ROCK2: variants seen among roughly 807,000 people sequenced by gnomAD.
The protein encoded by ROCK2 is rho-associated protein kinase 2.
Under a neutral mutation model 195.1 loss-of-function variants are expected in ROCK2, and 61 were observed. The observed-to-expected ratio is 0.31, with a 90% CI of 0.25 to 0.39. The LOEUF (loss-of-function observed/expected upper bound fraction) is 0.39. Among genes scored for constraint, ROCK2 ranks in the 10% least tolerant of loss-of-function variants. The probability of loss-of-function intolerance (pLI) is 1.00; values close to 1 mark genes in which losing one functional copy is unlikely to be tolerated. For synonymous variants in ROCK2, 504 were observed against 545.5 expected, an observed-to-expected ratio of 0.92 and a Z score of 1.06; for missense variants, 1,109 against 1,637.4, an observed-to-expected ratio of 0.68 and a Z score of 5.57.
chr2:11,248,468 G>A (rs1665700703), intron 4 of ROCK2, among the ~76,000 whole-genome samples: 1 of 151,972 alleles, frequency 6.6e-6, no homozygotes, highest in Admixed American at 6.6e-5. Context: ...AGCACTTCGG[G>A]AGGCTAAGGC....
intron 3 of ROCK2, among the ~76,000 whole-genome samples, chr2:11,266,412 C>A (rs1302502121): frequency 6.6e-6 from 1 of 152,190 alleles, no homozygotes; most frequent in African/African-American, 2.4e-5. Flanking sequence ...GACATATATG[C>A]AGTCTATCAT....
At chr2:11,256,307 G>C (rs560323249) in intron 3 of ROCK2, among the ~76,000 whole-genome samples, 1 of 151,300 alleles carries the variant, frequency 6.6e-6, no homozygotes, top group South Asian at 2.1e-4. Flanking sequence ...TTGTTCTCCT[G>C]ATAGTGAGTT....
chr2:11,315,442 T>C (rs1572397941), intron 1 of ROCK2, among the ~76,000 whole-genome samples: 1 of 151,914 alleles, frequency 6.6e-6, no homozygotes, highest in East Asian at 1.9e-4. Context: ...TTTAAAATTT[T>C]TTTAATTAAA....
At chr2:11,263,013 C>T (rs1666287162) in intron 3 of ROCK2, among the ~76,000 whole-genome samples, 1 of 151,954 alleles carries the variant, frequency 6.6e-6, no homozygotes, top group African/African-American at 2.4e-5. Flanking sequence ...TTGTGGCAGC[C>T]AAGATCAAAT....
At chr2:11,261,637 T>G (rs890235814) in intron 3 of ROCK2, among the ~76,000 whole-genome samples, 1 of 151,898 alleles carries the variant, frequency 6.6e-6, no homozygotes, top group Admixed American at 6.6e-5. Flanking sequence ...ACCAACATGG[T>G]GAAACCCTGT....
At chr2:11,200,359 G>A (rs542231812) in intron 23 of ROCK2, among the ~76,000 whole-genome samples, 14 of 152,062 alleles carry the variant, frequency 9.2e-5, no homozygotes, top group Non-Finnish European at 1.5e-4. Flanking sequence ...TGATGTAGTG[G>A]GGATTTAATT....
intron 3 of ROCK2, among the ~76,000 whole-genome samples, chr2:11,257,530 T>G (rs184367350): frequency 4.0e-5 from 6 of 151,606 alleles, no homozygotes; most frequent in Admixed American, 1.3e-4. Flanking sequence ...GTAGCCTTGC[T>G]GTGAGTTTCT....
chr2:11,340,182 A>G (rs1017400671), intron 1 of ROCK2, among the ~76,000 whole-genome samples: 2 of 152,222 alleles, frequency 1.3e-5, no homozygotes, highest in African/African-American at 4.8e-5. Context: ...TACACAGTAC[A>G]TATACTGTGT....
chr2:11,228,956 A>G (rs56324103), intron 5 of ROCK2, among the ~76,000 whole-genome samples: 100 of 152,220 alleles, frequency 6.6e-4, no homozygotes, highest in African/African-American at 2.3e-3. Flanking sequence ...AAAAGAGCAT[A>G]AAGAAACAGG....
chr2:11,332,546 T>G (rs532507940), intron 1 of ROCK2, among the ~76,000 whole-genome samples: 1 of 152,236 alleles, frequency 6.6e-6, no homozygotes, highest in Non-Finnish European at 1.5e-5. Context: ...TCATTTGTCA[T>G]TGGTAAAATG....
chr2:11,298,827 C>G (rs1667617519), intron 1 of ROCK2, among the ~76,000 whole-genome samples: 1 of 152,116 alleles, frequency 6.6e-6, no homozygotes, highest in Non-Finnish European at 1.5e-5. Flanking sequence ...GAGAGCTGCC[C>G]TGCTGGAGAA....
At chr2:11,220,093 C>T (rs1013636005) in intron 9 of ROCK2, among the ~76,000 whole-genome samples, 1 of 152,132 alleles carries the variant, frequency 6.6e-6, no homozygotes, top group African/African-American at 2.4e-5. Flanking sequence ...CTCGTTTCAA[C>T]CACAATCTCC....
intron 6 of ROCK2, 21 bp downstream of exon 6, chr2:11,227,233 G>T: frequency 6.3e-7 from 1 of 1,588,040 alleles, no homozygotes; most frequent in Non-Finnish European, 8.6e-7. Context: ...TTTGAAAAAA[G>T]AAGTTAAAAT....
intron 1 of ROCK2, among the ~76,000 whole-genome samples, chr2:11,327,924 ATTTTGT>A (rs200084363): frequency 6.6e-5 from 10 of 152,264 alleles, no homozygotes; most frequent in South Asian, 4.1e-4. Flanking sequence ...AGTTTGTTTT[ATTTTGT>A]TTTTGTTTTT....
intron 1 of ROCK2, chr2:11,308,338 A>G: frequency 8.5e-7 from 1 of 1,179,272 alleles, no homozygotes; most frequent in East Asian, 2.3e-5. Flanking sequence ...CATATAATAA[A>G]GAATTCCCAT....
chr2:11,327,343 C>T (rs1017514110), intron 1 of ROCK2, among the ~76,000 whole-genome samples: 1 of 152,128 alleles, frequency 6.6e-6, no homozygotes, highest in Non-Finnish European at 1.5e-5. Context: ...AAGGTAAAGC[C>T]AATTTTCAGG....
intron 3 of ROCK2, among the ~76,000 whole-genome samples, chr2:11,277,917 T>C (rs1666881680): frequency 6.6e-6 from 1 of 152,220 alleles, no homozygotes; most frequent in Non-Finnish European, 1.5e-5. Flanking sequence ...ACAGGCAGGA[T>C]TCCTCATTTA....
chr2:11,287,697 C>T lies in ROCK2; in HGVS notation c.181G>A (p.Ala61Thr). 7.6e-7 allele frequency: 1 copy of T among 1,321,922 alleles called. No homozygotes were observed. Among genetic ancestry groups the T allele is most frequent in the Non-Finnish European group, 1.0e-6 (1 of 989,056 alleles). 81.9% of individuals were successfully genotyped at this position (1,321,922 alleles called of 1,614,324 possible). A position where few individuals can be genotyped will look rare whatever the true frequency, so the allele number is the denominator to read the frequency against. ...NSLVLDLDFP[A>T]LRKNKNIDNF... ...TCTATGTTCTTGTTTTTCCTCAAAG[C>T]AGGAAAATCTAAATCAAGGACCAAG... is the stretch of plus-strand genomic sequence containing the variant. Residue 61 changes from alanine to threonine, a missense_variant, in exon 2 of 33, where the codon GCT becomes ACT. Transcript: ENST00000315872.
At chr2:11,213,494 G>A (rs951399556) in intron 17 of ROCK2, among the ~76,000 whole-genome samples, 4 of 151,244 alleles carry the variant, frequency 2.6e-5, no homozygotes, top group Admixed American at 2.0e-4. Context: ...TCACTGGAAC[G>A]TAGCCACATC....
Sources: gnomAD v4.1 joint callset for allele counts (sites outside exome capture counted in the v4.1 genomes callset) on GRCh38, gnomAD v4.1.1 for gene constraint, MANE v1.5 for transcripts, NCBI Gene and HGNC (gene_info 2026-07-23, HGNC 2026-07-21) for gene names.